The following TMX1 variants were observed in gnomAD, a reference collection of about 807,000 sequenced individuals.
TMX1 encodes thioredoxin related transmembrane protein 1.
TMX1 carries 25 observed loss-of-function variants against 36.6 expected under a neutral mutation model. The ratio of observed to expected loss-of-function variants is 0.68; its 90% confidence interval spans 0.50 to 0.95. The LOEUF (loss-of-function observed/expected upper bound fraction) is 0.95, where lower values mean the gene tolerates loss of function less well. Ranked by LOEUF, TMX1 falls within the 40% of genes least tolerant of loss-of-function variation. The pLI, the probability that TMX1 is intolerant of heterozygous loss-of-function variation, is 0.00. For missense variants in TMX1, 347 were observed against 339.6 expected, an observed-to-expected ratio of 1.02 and a Z score of -0.17; for synonymous variants, 133 against 118.0, an observed-to-expected ratio of 1.13 and a Z score of -0.82.
intron 1 of TMX1, 69 bp from the exon 2 acceptor site, chr14:51,243,787 T>TG (rs2065772955): frequency 1.9e-6 from 2 of 1,041,540 alleles, no homozygotes; most frequent in Non-Finnish European, 2.6e-6. Flanking sequence ...CATTTAAATT[T>TG]TTTATCCCAA....
intron 1 of TMX1, among the ~76,000 whole-genome samples, chr14:51,243,263 A>G (rs528057060): frequency 6.6e-6 from 1 of 152,306 alleles, no homozygotes; most frequent in South Asian, 2.1e-4. Flanking sequence ...ACTGGCCAAG[A>G]GTTTTGTTTG....
intron 7 of TMX1, among the ~76,000 whole-genome samples, chr14:51,253,365 C>A (rs1299308664): frequency 1.3e-5 from 2 of 152,202 alleles, no homozygotes; most frequent in African/African-American, 4.8e-5. Flanking sequence ...TCACCAGGAC[C>A]GCCTGGGGTG....
At position 51,254,458 on chromosome 14, in the gene TMX1, T is replaced by TTC; in HGVS notation, c.783_784dup (p.Pro262LeufsTer6). Reference sequence around the variant, plus strand: ...AGTAAAGAAGGAACAAACAAAGACTTTCCACAGAATGCCATAAGACAACGC... The same window carrying TTC: ...AGTAAAGAAGGAACAAACAAAGACTTTCTCCACAGAATGCCATAAGACAACGC... On this transcript the variant is annotated frameshift_variant, in exon 8 of 8. Transcript: ENST00000457354. LOFTEE classifies it high-confidence loss of function. The TTC allele has an allele frequency of 6.2e-7, 1 of 1,611,570 alleles. No homozygotes were observed.
chr14:51,250,585 G>A (rs552995639), intron 7 of TMX1, among the ~76,000 whole-genome samples: 4 of 152,132 alleles, frequency 2.6e-5, no homozygotes, highest in South Asian at 4.1e-4. Context: ...TCTGCCTTCC[G>A]GGTTCATGCT....
Position 51,243,959 on chromosome 14 carries a change from A to G in TMX1, c.256A>G (p.Thr86Ala). ...GGTTAATATTGCGAAAGTAGATGTCACAGAGCAGCCAGGTACTGTAAGTCT... is the reference window on the plus strand; with the variant it reads ...GGTTAATATTGCGAAAGTAGATGTCGCAGAGCAGCCAGGTACTGTAAGTCT... Reference protein sequence around the residue: ...LEVNIAKVDVTEQPGLSGRFI... With the variant: ...LEVNIAKVDVAEQPGLSGRFI... The change falls in exon 2 of 8, where the codon ACA (threonine) becomes GCA (alanine). Residue 86 changes from threonine (T) to alanine (A), a missense_variant. Coordinates refer to ENST00000457354, the MANE Select transcript of TMX1 (RefSeq NM_030755.5). The G allele has an allele frequency of 6.2e-7, 1 of 1,609,110 alleles. No homozygotes were observed.
At chr14:51,249,197 G>T (rs949776165) in intron 4 of TMX1, 129 bp from the exon 5 acceptor site, 3 of 663,172 alleles carry the variant, frequency 4.5e-6, no homozygotes, top group Non-Finnish European at 7.4e-6. Flanking sequence ...TGAAATCAGT[G>T]ATGTGTCACT....
In TMX1 at chr14:51,250,279, G is replaced by A. The variant is rs551744498; in HGVS notation, c.664+514G>A. ...TCTTGTAATTGTACTGTTAATGGAA[G>A]CATTTATATTTGCAGTTCTTAAAGA... On this transcript the variant is annotated intron_variant, in intron 7 of 7. Transcript: ENST00000457354. Among the ~76,000 whole-genome samples, 14 of 152,266 alleles carry A rather than the reference G, an allele frequency of 9.2e-5. No homozygotes were observed. The South Asian group carries it at 2.7e-3, about 29-fold the overall frequency.
chr14:51,242,022 G>C (rs899639338), intron 1 of TMX1, among the ~76,000 whole-genome samples: 2 of 152,130 alleles, frequency 1.3e-5, no homozygotes, highest in Non-Finnish European at 2.9e-5. Flanking sequence ...CCAGCTACTC[G>C]GGAGGCTGAG....
intron 4 of TMX1, among the ~76,000 whole-genome samples, chr14:51,248,763 A>G (rs2065798115): frequency 6.6e-6 from 1 of 152,168 alleles, no homozygotes; most frequent in African/African-American, 2.4e-5. Context: ...AATTATGTAA[A>G]ATACTAATTT....
At chr14:51,246,214 C>A (rs1354925356) in intron 3 of TMX1, among the ~76,000 whole-genome samples, 2 of 152,094 alleles carry the variant, frequency 1.3e-5, no homozygotes. Flanking sequence ...CAGTCTCTCC[C>A]TTTGCTTTTC....
rs752067733 is a variant in TMX1, at chr14:51,240,440, G to C, written c.148G>C (p.Glu50Gln). ...ACTGCTGGAAGGAGACTGGATGATA[G>C]AATTGTGAGTGCGGGGCGGCCAGGG... Reference protein sequence around the residue: ...RELLEGDWMIEFYAPWCPACQ... With the variant: ...RELLEGDWMIQFYAPWCPACQ... The change falls in exon 1 of 8, where the codon GAA becomes CAA. Residue 50 changes from glutamate to glutamine, a missense_variant. Glu to Gln is a conservative substitution (Grantham distance 29). Transcript: ENST00000457354. 5 of 1,613,472 alleles carry C rather than the reference G, an allele frequency of 3.1e-6. No homozygotes were observed. Among genetic ancestry groups the C allele is most frequent in the South Asian group, 1.1e-5 (1 of 91,078 alleles).
Position 51,243,892 on chromosome 14 carries a change from A to C in TMX1, c.189A>C (p.Gln63His), listed in dbSNP as rs61745163. The C allele has an allele frequency of 1.9e-6, 3 of 1,611,568 alleles. No homozygotes were observed. In the East Asian group the frequency reaches 6.7e-5, roughly 36 times the overall value. The part of the protein sequence containing the change: ...APWCPACQNL[Q>H]PEWESFAEWG... ...GGTGCCCTGCTTGTCAAAATCTTCA[A>C]CCGGAATGGGAAAGTTTTGCTGAAT... Residue 63 changes from glutamine to histidine, a missense_variant, in exon 2 of 8, where the codon CAA becomes CAC. Gln to His is a conservative substitution (Grantham distance 24, BLOSUM62 0). Coordinates refer to ENST00000457354, the MANE Select transcript of TMX1 (RefSeq NM_030755.5).
At chr14:51,245,466 A>T (rs916766517) in intron 3 of TMX1, 108 bp downstream of exon 3, 1 of 1,556,436 alleles carries the variant, frequency 6.4e-7, no homozygotes, top group Non-Finnish European at 8.7e-7. Flanking sequence ...TAATCTCATT[A>T]TATTCAGCAG....
In TMX1 at chr14:51,257,322, G is replaced by A. The variant is rs1004115321; in HGVS notation, c.*2803G>A. The A allele has an allele frequency of 6.6e-6, 1 of 152,148 alleles. No homozygotes were observed. Among genetic ancestry groups the A allele is most frequent in the Admixed American group, 6.5e-5 (1 of 15,284 alleles). The allele number at this position is 152,148 out of a possible 1,614,324, so 9.4% of individuals were successfully genotyped here. Reference sequence around the variant, plus strand: ...TCAGCCTTACACAAAAAAAGGCATAGTTCTGGGCTTAATTGTGATGTAATT... The same window carrying A: ...TCAGCCTTACACAAAAAAAGGCATAATTCTGGGCTTAATTGTGATGTAATT... On this transcript the variant is annotated 3_prime_UTR_variant, in exon 8 of 8. Transcript: ENST00000457354.
Position 51,247,176 on chromosome 14 carries a change from G to C in TMX1, c.399G>C (p.Lys133Asn), listed in dbSNP as rs2065789513. 3 of 1,613,464 alleles carry C rather than the reference G, an allele frequency of 1.9e-6. No individual in the cohort carries two copies. The highest frequency in any genetic ancestry group is 2.5e-6 in the Non-Finnish European group (3 of 1,179,804). The change falls in exon 4 of 8, where the codon AAG becomes AAC. Residue 133 changes from lysine to asparagine, a missense_variant. Lys to Asn is a moderately conservative substitution (Grantham distance 94). Transcript: ENST00000457354. ...FINFISDKEW[K>N]SIEPVSSWFG... ...ACTTTATAAGTGATAAAGAGTGGAA[G>C]AGTATTGAGCCCGTTTCATCATGGT...
chr14:51,251,548 A>G (rs1443326600), intron 7 of TMX1, among the ~76,000 whole-genome samples: 2 of 152,196 alleles, frequency 1.3e-5, no homozygotes, highest in African/African-American at 2.4e-5. Flanking sequence ...TGGATCCCAT[A>G]AATGTACCAA....
At chr14:51,248,143 G>A (rs971619825) in intron 4 of TMX1, among the ~76,000 whole-genome samples, 1 of 152,192 alleles carries the variant, frequency 6.6e-6, no homozygotes, top group Admixed American at 6.5e-5. Flanking sequence ...TTTCCTCGTA[G>A]CAACTGGCTA....
chr14:51,241,491 C>T (rs1370899150), intron 1 of TMX1, among the ~76,000 whole-genome samples: 1 of 152,018 alleles, frequency 6.6e-6, no homozygotes, highest in African/African-American at 2.4e-5. Flanking sequence ...CTTTAGTTAA[C>T]CTATGCAGAT....
rs1351956312 is a variant in TMX1, at chr14:51,257,165, A to G, written c.*2646A>G. 1 of 152,228 alleles carries G rather than the reference A, an allele frequency of 6.6e-6. No individual in the cohort carries two copies. The highest frequency in any genetic ancestry group is 2.4e-5 in the African/African-American group (1 of 41,456). 9.4% of individuals were successfully genotyped at this position (152,228 alleles called of 1,614,324 possible). A position where few individuals can be genotyped will look rare whatever the true frequency, so the allele number is the denominator to read the frequency against. ...CACTCCTGTCAGAATGTAGGAGTGA[A>G]TAAATGCTATTCATAAATAACCATA... On this transcript the variant is annotated 3_prime_UTR_variant, in exon 8 of 8. Transcript: ENST00000457354.
Sources: allele counts gnomAD v4.1 joint callset (sites outside exome capture counted in the v4.1 genomes callset), GRCh38; gene constraint gnomAD v4.1.1; transcripts MANE v1.5; gene names NCBI Gene and HGNC (gene_info 2026-07-23, HGNC 2026-07-21).